The following PRKG1 variants were observed in gnomAD, a reference collection of about 807,000 sequenced individuals.
The protein encoded by PRKG1 is cGMP-dependent protein kinase 1.
In PRKG1, 35 loss-of-function variants were observed where a neutral mutation model predicts 88.1. The ratio of observed to expected loss-of-function variants is 0.40; its 90% CI spans 0.30 to 0.53. The LOEUF (loss-of-function observed/expected upper bound fraction) is 0.53, where lower values mean the gene tolerates loss of function less well. PRKG1 is among the 20% of genes least tolerant of loss of function. PRKG1 has a pLI of 0.59. For missense variants in PRKG1, 540 were observed against 839.8 expected, an observed-to-expected ratio of 0.64 and a Z score of 4.41; for synonymous variants, 303 against 292.5, an observed-to-expected ratio of 1.04 and a Z score of -0.37.
intron 5 of PRKG1, among the ~76,000 whole-genome samples, chr10:51,950,101 A>G (rs1564724157): frequency 1.3e-5 from 2 of 152,018 alleles, no homozygotes; most frequent in African/African-American, 2.4e-5. Flanking sequence ...GGACTACATA[A>G]CTCCTACATC....
chr10:51,488,648 C>G (rs1840613882), intron 3 of PRKG1, among the ~76,000 whole-genome samples: 1 of 152,114 alleles, frequency 6.6e-6, no homozygotes, highest in Non-Finnish European at 1.5e-5. Context: ...TTTGAATCTA[C>G]TATCCAATAC....
chr10:52,082,688 T>G (rs1180203847), intron 7 of PRKG1, among the ~76,000 whole-genome samples: 1 of 152,150 alleles, frequency 6.6e-6, no homozygotes, highest in Non-Finnish European at 1.5e-5. Context: ...AGCACACACA[T>G]TCTTTTTTCT....
At chr10:51,601,008 A>C (rs1000438025) in intron 3 of PRKG1, among the ~76,000 whole-genome samples, 9 of 150,982 alleles carry the variant, frequency 6.0e-5, no homozygotes, top group African/African-American at 2.2e-4. Context: ...GGGGAGGGGG[A>C]AAAGAAGAAG....
At chr10:51,975,937 A>G (rs1400130837) in intron 5 of PRKG1, among the ~76,000 whole-genome samples, 1 of 152,036 alleles carries the variant, frequency 6.6e-6, no homozygotes, top group Non-Finnish European at 1.5e-5. Context: ...AAATAACCCA[A>G]TTAGAAACAG....
At chr10:52,016,822 AACAC>A (rs1396779298) in intron 5 of PRKG1, among the ~76,000 whole-genome samples, 2 of 152,196 alleles carry the variant, frequency 1.3e-5, no homozygotes, top group Non-Finnish European at 2.9e-5. Flanking sequence ...ATTTTTTAAA[AACAC>A]AGCAATAACA....
At chr10:51,586,559 T>C (rs1479337572) in intron 3 of PRKG1, among the ~76,000 whole-genome samples, 1 of 152,176 alleles carries the variant, frequency 6.6e-6, no homozygotes, top group African/African-American at 2.4e-5. Context: ...ATTAAAACTT[T>C]ATTAAAATGT....
chr10:51,061,060 G>GTGTGTGTGTGTGT (rs148204735), intron 1 of PRKG1, among the ~76,000 whole-genome samples: 5 of 147,042 alleles, frequency 3.4e-5, no homozygotes, highest in African/African-American at 1.0e-4. Flanking sequence ...TATACCTAGG[G>GTGTGTGTGTGTGT]GTGTGTGTGT....
intron 9 of PRKG1, among the ~76,000 whole-genome samples, chr10:52,219,620 TTAAA>T (rs141357591): frequency 0.1 from 15,420 of 152,130 alleles, 1,166 homozygotes; most frequent in African/African-American, 0.22. Flanking sequence ...TGGGAAGAAA[TTAAA>T]TAACCCCCAT....
chr10:51,170,840 T>A (rs946545378), intron 2 of PRKG1, among the ~76,000 whole-genome samples: 7 of 151,916 alleles, frequency 4.6e-5, no homozygotes, highest in Non-Finnish European at 8.8e-5. Context: ...ATTCTAAGAA[T>A]TTTTATTATT....
At chr10:51,506,735 G>T (rs6480296) in intron 3 of PRKG1, among the ~76,000 whole-genome samples, 142,965 of 152,138 alleles carry the variant, frequency 0.94, 67,176 homozygotes, top group East Asian at 1. Context: ...CTTGTGGAAG[G>T]CATTGTGGCG....
intron 1 of PRKG1, among the ~76,000 whole-genome samples, chr10:51,112,961 T>C (rs1182456655): frequency 6.6e-6 from 1 of 152,180 alleles, no homozygotes; most frequent in East Asian, 1.9e-4. Context: ...GAATAAAAGA[T>C]TGCAAAAGCT....
chr10:51,871,110 C>T (rs138120771), intron 4 of PRKG1, among the ~76,000 whole-genome samples: 160 of 152,300 alleles, frequency 1.1e-3, no homozygotes, highest in Admixed American at 2.7e-3. Context: ...AACACCAATA[C>T]GTTACAGCTT....
chr10:51,916,092 T>G (rs559812345), intron 5 of PRKG1, among the ~76,000 whole-genome samples: 1 of 152,300 alleles, frequency 6.6e-6, no homozygotes, highest in Non-Finnish European at 1.5e-5. Context: ...GTCAGAGGTG[T>G]GTGAGCCAGA....
At chr10:51,333,481 T>C (rs1288357519) in intron 2 of PRKG1, among the ~76,000 whole-genome samples, 1 of 152,212 alleles carries the variant, frequency 6.6e-6, no homozygotes, top group Non-Finnish European at 1.5e-5. Flanking sequence ...ATGGTAAACC[T>C]GAGATTCAAA....
In PRKG1 at chr10:52,293,891, A is replaced by G. The variant is rs374752370; in HGVS notation, c.2052A>G (p.Ile684Met). 9 of 1,609,402 alleles carry G rather than the reference A, an allele frequency of 5.6e-6. No individual in the cohort carries two copies. The highest frequency in any genetic ancestry group is 7.7e-6 in the Non-Finnish European group (9 of 1,176,130). The change falls in exon 18 of 18, where the codon ATA becomes ATG. Residue 684 changes from isoleucine to methionine, a missense_variant. This residue lies in a region of PRKG1 where 26 missense variants were observed against 18.4 expected (regional missense o/e 1.41). Transcript: ENST00000373980. ...PPPDDNSGWD[I>M]DF Reference sequence around the variant, plus strand: ...CTGATGACAACTCAGGATGGGATATAGACTTCTAATGTATTTCTCTTACCT... The same window carrying G: ...CTGATGACAACTCAGGATGGGATATGGACTTCTAATGTATTTCTCTTACCT...
At chr10:52,168,220 A>G (rs1023027147) in intron 9 of PRKG1, among the ~76,000 whole-genome samples, 8 of 152,174 alleles carry the variant, frequency 5.3e-5, no homozygotes, top group Admixed American at 5.2e-4. Context: ...AAGTCTTCTT[A>G]GGGGAAGTGA....
intron 1 of PRKG1, among the ~76,000 whole-genome samples, chr10:51,016,159 T>G (rs1843056765): frequency 6.6e-6 from 1 of 152,378 alleles, no homozygotes; most frequent in Non-Finnish European, 1.5e-5. Context: ...TTTTACTGAT[T>G]GCATTGCATT....
At chr10:51,746,978 A>G (rs564571907) in intron 3 of PRKG1, among the ~76,000 whole-genome samples, 1 of 152,136 alleles carries the variant, frequency 6.6e-6, no homozygotes, top group Non-Finnish European at 1.5e-5. Context: ...CCTTATTTCA[A>G]AAGGACTATT....
intron 10 of PRKG1, among the ~76,000 whole-genome samples, chr10:52,268,936 G>T (rs772602218): frequency 1.1e-4 from 16 of 151,924 alleles, no homozygotes; most frequent in Non-Finnish European, 1.6e-4. Flanking sequence ...AGGGCTCAGA[G>T]CAGTTAAGCA....
Sources: allele counts gnomAD v4.1 joint callset (sites outside exome capture counted in the v4.1 genomes callset), GRCh38; gene constraint gnomAD v4.1.1; regional missense constraint gnomAD v4.1.1; transcripts MANE v1.5; gene names NCBI Gene and HGNC (gene_info 2026-07-23, HGNC 2026-07-21).